Variants in EPHA6 observed in about 807,000 individuals in gnomAD.
EPHA6 encodes the protein ephrin type-A receptor 6.
A neutral mutation model predicts 112.0 loss-of-function variants in EPHA6; 50 were observed. The ratio of observed to expected loss-of-function variants is 0.45; its 90% CI spans 0.36 to 0.56. EPHA6 has a LOEUF of 0.56. Among genes scored for constraint, EPHA6 ranks in the 20% least tolerant of loss-of-function variants. The pLI is 0.00. For synonymous variants in EPHA6, 529 were observed against 490.7 expected, an observed-to-expected ratio of 1.08 and a Z score of -1.03; for missense variants, 1,280 against 1,417.4, an observed-to-expected ratio of 0.90 and a Z score of 1.56.
At chr3:96,998,298 A>T (rs2043499212) in intron 3 of EPHA6, among the ~76,000 whole-genome samples, 1 of 151,906 alleles carries the variant, frequency 6.6e-6, no homozygotes, top group Non-Finnish European at 1.5e-5. Context: ...CTTTTAAACA[A>T]GTGAAATTAA....
At chr3:97,414,206 T>C (rs1198791604) in intron 6 of EPHA6, among the ~76,000 whole-genome samples, 1 of 152,004 alleles carries the variant, frequency 6.6e-6, no homozygotes, top group African/African-American at 2.4e-5. Flanking sequence ...AAAGGCCATT[T>C]CCCAATAATT....
At chr3:97,006,310 A>C (rs1441679799) in intron 3 of EPHA6, among the ~76,000 whole-genome samples, 1 of 152,110 alleles carries the variant, frequency 6.6e-6, no homozygotes, top group East Asian at 1.9e-4. Context: ...TTATTAGTCT[A>C]TTCAGGGATT....
At chr3:97,698,541 C>T (rs1243750776) in intron 14 of EPHA6, among the ~76,000 whole-genome samples, 1 of 152,038 alleles carries the variant, frequency 6.6e-6, no homozygotes, top group East Asian at 1.9e-4. Context: ...AAATGTGACA[C>T]AATAAATTTC....
chr3:97,496,057 C>T (rs1450761784), intron 10 of EPHA6, among the ~76,000 whole-genome samples: 1 of 152,086 alleles, frequency 6.6e-6, no homozygotes, highest in Non-Finnish European at 1.5e-5. Context: ...GACACAGCAG[C>T]GAGGCAGGCA....
At chr3:97,605,271 C>T (rs1181119782) in intron 12 of EPHA6, among the ~76,000 whole-genome samples, 1 of 151,188 alleles carries the variant, frequency 6.6e-6, no homozygotes, top group African/African-American at 2.4e-5. Context: ...AAGTAATATT[C>T]AGGAAATTAT....
chr3:97,409,303 T>C (rs1386305722), intron 6 of EPHA6, among the ~76,000 whole-genome samples: 2 of 152,150 alleles, frequency 1.3e-5, no homozygotes, highest in East Asian at 3.9e-4. Context: ...TAGATGGTAA[T>C]TAATAGATAC....
chr3:97,731,624 T>A (rs537805837), intron 15 of EPHA6, among the ~76,000 whole-genome samples: 2 of 152,204 alleles, frequency 1.3e-5, no homozygotes, highest in African/African-American at 4.8e-5. Flanking sequence ...AATCTTTTAA[T>A]CAGTTTGAGG....
chr3:97,137,122 G>T, intron 3 of EPHA6, among the ~76,000 whole-genome samples: 1 of 152,104 alleles, frequency 6.6e-6, no homozygotes, highest in East Asian at 1.9e-4. Flanking sequence ...TGTTATATCT[G>T]ATAACATACA....
At chr3:97,648,907 T>C (rs2094087494) in intron 14 of EPHA6, among the ~76,000 whole-genome samples, 2 of 152,068 alleles carry the variant, frequency 1.3e-5, no homozygotes, top group Non-Finnish European at 2.9e-5. Flanking sequence ...TAAGATACAA[T>C]ACGTGGTAAA....
chr3:97,087,387 G>C (rs891490005), intron 3 of EPHA6, among the ~76,000 whole-genome samples: 1 of 152,126 alleles, frequency 6.6e-6, no homozygotes, highest in Non-Finnish European at 1.5e-5. Flanking sequence ...TGGGAGAGTA[G>C]ACATGATGAT....
intron 16 of EPHA6, among the ~76,000 whole-genome samples, chr3:97,736,464 AGAGAGAGTGTGTGT>A (rs1281981814): frequency 1.4e-4 from 20 of 143,350 alleles, no homozygotes; most frequent in African/African-American, 4.2e-4. Context: ...AGAGAGAGAG[AGAGAGAGTGTGTGT>A]GTGTGTGTGT....
chr3:97,601,928 C>CAT, intron 12 of EPHA6, among the ~76,000 whole-genome samples: 1 of 152,054 alleles, frequency 6.6e-6, no homozygotes, highest in East Asian at 1.9e-4. Flanking sequence ...AATATTTGAA[C>CAT]ATTTATTTAA....
intron 5 of EPHA6, among the ~76,000 whole-genome samples, chr3:97,386,335 G>C (rs1343751334): frequency 6.6e-6 from 1 of 151,922 alleles, no homozygotes; most frequent in Non-Finnish European, 1.5e-5. Context: ...CAGAAAATTT[G>C]AATAAAAGAA....
intron 5 of EPHA6, among the ~76,000 whole-genome samples, chr3:97,359,469 C>A (rs1220760892): frequency 7.3e-6 from 1 of 137,438 alleles, no homozygotes; most frequent in Non-Finnish European, 1.6e-5. Flanking sequence ...TTTTTTAATT[C>A]TCTATACTTT....
chr3:96,998,605 A>G (rs1417516418), intron 3 of EPHA6, among the ~76,000 whole-genome samples: 3 of 151,874 alleles, frequency 2.0e-5, no homozygotes, highest in Non-Finnish European at 4.4e-5. Flanking sequence ...TATTATTGCT[A>G]ATGATCTGCC....
chr3:97,706,789 GTTT>G (rs560962263), intron 14 of EPHA6, among the ~76,000 whole-genome samples: 1 of 136,488 alleles, frequency 7.3e-6, no homozygotes. Flanking sequence ...TTGTTTTGTT[GTTT>G]TTTTTTTTTT....
chr3:97,709,703 G>A (rs1290568805), intron 14 of EPHA6, among the ~76,000 whole-genome samples: 6 of 152,206 alleles, frequency 3.9e-5, no homozygotes, highest in African/African-American at 7.2e-5. Flanking sequence ...ATCCCCACAT[G>A]TCAAGGGAGG....
At chr3:96,942,474 A>G (rs1289469030) in intron 2 of EPHA6, among the ~76,000 whole-genome samples, 2 of 152,156 alleles carry the variant, frequency 1.3e-5, no homozygotes, top group East Asian at 1.9e-4. Flanking sequence ...AAAGCGCAGT[A>G]TTAGGGTGGG....
Position 96,920,293 on chromosome 3 carries a change from G to T in EPHA6, c.450+53404G>T, listed in dbSNP as rs16836998. Among the ~76,000 whole-genome samples the T allele has an allele frequency of 2.0e-5, 3 of 151,682 alleles. No homozygotes were observed. The South Asian group carries it at 6.2e-4, about 31-fold the overall frequency. ...ATTGATAGAAAAAGGGACTATTTAT[G>T]GAAAAAGAAAAGGTACAGCAGATTT... On this transcript the variant is annotated intron_variant, in intron 2 of 17. Coordinates refer to ENST00000389672, the MANE Select transcript of EPHA6 (RefSeq NM_001080448.3).
Sources: allele counts gnomAD v4.1 joint callset (sites outside exome capture counted in the v4.1 genomes callset), GRCh38; gene constraint gnomAD v4.1.1; transcripts MANE v1.5; gene names NCBI Gene and HGNC (gene_info 2026-07-23, HGNC 2026-07-21).